Variants in CYP2C8 observed in about 807,000 individuals in gnomAD.
The protein encoded by CYP2C8 is cytochrome P450 2C8.
A neutral mutation model predicts 41.3 loss-of-function variants in CYP2C8; 51 were observed. The ratio of observed to expected loss-of-function variants is 1.24; its 90% CI spans 0.99 to 1.56. CYP2C8 has a LOEUF of 1.56. CYP2C8 is among the 40% of genes most tolerant of loss of function. The pLI is 0.00. For synonymous variants in CYP2C8, 218 were observed against 205.8 expected (o/e 1.06, Z -0.51); for missense variants, 651 against 579.9 (o/e 1.12, Z -1.26).
At chr10:95,069,151 C>T in intron 1 of CYP2C8, 84 bp downstream of exon 1, 1 of 1,431,920 alleles carries the variant, frequency 7.0e-7, no homozygotes, top group South Asian at 1.1e-5. Flanking sequence ...TAATAGTGTG[C>T]TTCCAGGAAT....
In CYP2C8 at chr10:95,042,992, A is replaced by T; in HGVS notation, c.1047T>A (p.Asp349Glu). 6.2e-7 allele frequency: 1 copy of T among 1,614,180 alleles called. No individual in the cohort carries two copies. Among genetic ancestry groups the T allele is most frequent in the Non-Finnish European group, 8.5e-7 (1 of 1,179,994 alleles). ...ATCTCTGGATCTCGTGCACTACAGCATCAGTGTAAGGCATGTGGCTCCTAT... is the reference window on the plus strand; with the variant it reads ...ATCTCTGGATCTCGTGCACTACAGCTTCAGTGTAAGGCATGTGGCTCCTAT... ...MQDRSHMPYT[D>E]AVVHEIQRYS... The change falls in exon 7 of 9, where the codon GAT (aspartate) becomes GAA (glutamate). Residue 349 changes from aspartate to glutamate, a missense_variant. Physicochemically the swap from Asp to Glu is conservative, Grantham distance 45 (BLOSUM62 2). Transcript: ENST00000371270.
At chr10:95,066,147 AGAGAGAGTGTGT>A (rs1478791075) in intron 3 of CYP2C8, among the ~76,000 whole-genome samples, 30 of 114,254 alleles carry the variant, frequency 2.6e-4, no homozygotes, top group Non-Finnish European at 3.7e-4. Flanking sequence ...AGAGAGAGAG[AGAGAGAGTGTGT>A]GTGTGTGTGT....
chr10:95,061,901 A>T (rs1484215320), intron 4 of CYP2C8, among the ~76,000 whole-genome samples: 1 of 152,226 alleles, frequency 6.6e-6, no homozygotes, highest in Non-Finnish European at 1.5e-5. Flanking sequence ...TTAGGTACCC[A>T]GTAGTCATTC....
rs2033633149 is a variant in CYP2C8 at position 95,069,341 on chromosome 10, C to A, written c.62G>T (p.Arg21Ile). The change falls in exon 1 of 9, where the codon AGA becomes ATA. Residue 21 changes from arginine to isoleucine, a missense_variant. Arg to Ile is a moderately conservative substitution (Grantham distance 97). Transcript: ENST00000371270. The stretch of plus-strand genomic sequence containing the variant: ...GAGCTTCCTTCTCCTACAGCTCTGT[C>A]TCCAGAGTGAAAAGAGAAGCATAAA... ...LSFMLLFSLW[R>I]QSCRRRKLPP... 6.2e-7 allele frequency: 1 copy of A among 1,613,958 alleles called. No individual in the cohort carries two copies.
intron 6 of CYP2C8, 25 bp downstream of exon 6, chr10:95,045,785 C>T (rs766785448): frequency 1.2e-6 from 2 of 1,613,664 alleles, no homozygotes; most frequent in Non-Finnish European, 8.5e-7. Context: ...CTGAAATTCA[C>T]TTTGTTCATC....
chr10:95,061,846 T>A (rs897407646), intron 4 of CYP2C8, among the ~76,000 whole-genome samples: 2 of 152,238 alleles, frequency 1.3e-5, no homozygotes, highest in Non-Finnish European at 2.9e-5. Context: ...TGTGTCTTTG[T>A]TCTCATTGGT....
At chr10:95,037,363 G>A in intron 8 of CYP2C8, 54 bp from the exon 9 acceptor site, 2 of 1,473,536 alleles carry the variant, frequency 1.4e-6, no homozygotes, top group Non-Finnish European at 1.9e-6. Flanking sequence ...CTGTGACTGT[G>A]ACAAACAGTC....
At chr10:95,062,127 G>A (rs1364576899) in intron 4 of CYP2C8, among the ~76,000 whole-genome samples, 3 of 152,196 alleles carry the variant, frequency 2.0e-5, no homozygotes, top group Admixed American at 6.5e-5. Flanking sequence ...TTGATTAGGG[G>A]TGGAGAGTTC....
intron 6 of CYP2C8, among the ~76,000 whole-genome samples, chr10:95,044,298 T>C (rs1318277347): frequency 6.6e-6 from 1 of 152,240 alleles, no homozygotes; most frequent in Admixed American, 6.5e-5. Context: ...CAAGATAGTA[T>C]GCTTGAGAAT....
chr10:95,042,841 A>T (rs2275620), intron 7 of CYP2C8, 49 bp downstream of exon 7: 938,311 of 1,526,176 alleles, frequency 0.61, 292,628 homozygotes, highest in African/African-American at 0.76. Flanking sequence ...AACCAGCACT[A>T]TGGAAATTTC....
Position 95,058,325 on chromosome 10 carries a change from A to G in CYP2C8, c.819+10T>C. ...GAAATCAAAATACTGATCTGTTGCTAATATCTTACCTGCTCCATTTTGATC... is the reference window on the plus strand; with the variant it reads ...GAAATCAAAATACTGATCTGTTGCTGATATCTTACCTGCTCCATTTTGATC... On this transcript the variant is annotated intron_variant, in intron 5 of 8. Transcript: ENST00000371270. The G allele has an allele frequency of 6.2e-7, 1 of 1,612,658 alleles. No homozygotes were observed. The highest frequency in any genetic ancestry group is 8.5e-7 in the Non-Finnish European group (1 of 1,179,340).
At chr10:95,067,722 T>G (rs989157278) in intron 1 of CYP2C8, 31 bp from the exon 2 acceptor site, 1 of 1,609,048 alleles carries the variant, frequency 6.2e-7, no homozygotes, top group Non-Finnish European at 8.5e-7. Flanking sequence ...AGCAGCAAAA[T>G]AAGTCGCTAT....
At chr10:95,047,914 A>T (rs1395106951) in intron 5 of CYP2C8, among the ~76,000 whole-genome samples, 1 of 152,224 alleles carries the variant, frequency 6.6e-6, no homozygotes, top group Non-Finnish European at 1.5e-5. Flanking sequence ...TGAACAAGGT[A>T]ATATCCTCGA....
chr10:95,060,284 G>T (rs904112844), intron 4 of CYP2C8, among the ~76,000 whole-genome samples: 1 of 152,120 alleles, frequency 6.6e-6, no homozygotes, highest in Admixed American at 6.6e-5. Flanking sequence ...AGCATGGAAT[G>T]TTCTTCCATT....
chr10:95,063,801 G>A (rs1174631143), intron 4 of CYP2C8, among the ~76,000 whole-genome samples: 2 of 152,174 alleles, frequency 1.3e-5, no homozygotes, highest in Non-Finnish European at 2.9e-5. Context: ...TGATGGTGAT[G>A]TACAGATGGG....
intron 4 of CYP2C8, among the ~76,000 whole-genome samples, chr10:95,061,698 T>C (rs551142682): frequency 6.6e-6 from 1 of 152,246 alleles, no homozygotes; most frequent in South Asian, 2.1e-4. Context: ...AATGTGTTTG[T>C]TCTTGCTTCT....
intron 4 of CYP2C8, among the ~76,000 whole-genome samples, chr10:95,064,206 A>T (rs945782010): frequency 2.0e-5 from 3 of 152,132 alleles, no homozygotes; most frequent in African/African-American, 7.2e-5. Context: ...CCTTTTGTTC[A>T]GCTATGCCCT....
At chr10:95,059,349 A>G (rs369496237) in intron 4 of CYP2C8, among the ~76,000 whole-genome samples, 103 of 152,160 alleles carry the variant, frequency 6.8e-4, no homozygotes, top group African/African-American at 2.4e-3. Flanking sequence ...ACTGGTGTGA[A>G]ATGGTATCTC....
intron 5 of CYP2C8, 21 bp downstream of exon 5, chr10:95,058,314 G>T (rs1246014626): frequency 1.2e-6 from 2 of 1,611,952 alleles, no homozygotes; most frequent in South Asian, 1.1e-5. Flanking sequence ...TCAAAATACT[G>T]ATCTGTTGCT....
Sources: gnomAD v4.1 joint callset for allele counts (sites outside exome capture counted in the v4.1 genomes callset) on GRCh38, gnomAD v4.1.1 for gene constraint, MANE v1.5 for transcripts, NCBI Gene and HGNC (gene_info 2026-07-23, HGNC 2026-07-21) for gene names.